The following RERE variants were observed in gnomAD, a reference collection of about 807,000 sequenced individuals.
RERE encodes the protein arginine-glutamic acid dipeptide repeats protein.
A neutral mutation model predicts 146.1 loss-of-function variants in RERE; 40 were observed. The ratio of observed to expected loss-of-function variants is 0.27; its 90% CI spans 0.21 to 0.36. The LOEUF is 0.36. RERE is among the 10% of genes least tolerant of loss of function. The probability of loss-of-function intolerance (pLI) is 1.00; values close to 1 mark genes in which losing one functional copy is unlikely to be tolerated. For missense variants in RERE, 1,933 were observed against 2,138.7 expected (o/e 0.90, Z 1.90); for synonymous variants, 1,003 against 866.0 (o/e 1.16, Z -2.78).
chr1:8,520,474 G>C (rs1278836483), intron 7 of RERE, among the ~76,000 whole-genome samples: 1 of 152,094 alleles, frequency 6.6e-6, no homozygotes, highest in Admixed American at 6.5e-5. Context: ...AATAATGTAT[G>C]AGTAATGTCA....
At chr1:8,742,558 C>T (rs1428542879) in intron 1 of RERE, among the ~76,000 whole-genome samples, 2 of 152,192 alleles carry the variant, frequency 1.3e-5, no homozygotes, top group Admixed American at 6.5e-5. Context: ...TGCTGGCTCA[C>T]ACCTGCGATC....
chr1:8,454,486 T>C (rs1644426790), intron 11 of RERE, among the ~76,000 whole-genome samples: 1 of 151,982 alleles, frequency 6.6e-6, no homozygotes, highest in African/African-American at 2.4e-5. Flanking sequence ...CTTCTCCTTT[T>C]CCTATAATTT....
intron 1 of RERE, among the ~76,000 whole-genome samples, chr1:8,687,702 T>C (rs1326806150): frequency 6.6e-6 from 1 of 152,256 alleles, no homozygotes. Context: ...ATATTCATAA[T>C]TGCTTCGTCA....
chr1:8,619,419 GC>G (rs1336400936), intron 3 of RERE, among the ~76,000 whole-genome samples: 1 of 152,148 alleles, frequency 6.6e-6, no homozygotes, highest in East Asian at 1.9e-4. Flanking sequence ...AGTACTTATA[GC>G]TACATATACT....
chr1:8,759,641 T>A (rs1426633394), intron 1 of RERE, among the ~76,000 whole-genome samples: 1 of 152,144 alleles, frequency 6.6e-6, no homozygotes, highest in Non-Finnish European at 1.5e-5. Flanking sequence ...GCCATTCCCA[T>A]CCCAATAACT....
At chr1:8,604,674 A>AAGTCAGTC (rs1301588785) in intron 4 of RERE, among the ~76,000 whole-genome samples, 1 of 149,914 alleles carries the variant, frequency 6.7e-6, no homozygotes, top group African/African-American at 2.5e-5. Context: ...GGAAGGAAGG[A>AAGTCAGTC]AGTCCACATA....
intron 1 of RERE, among the ~76,000 whole-genome samples, chr1:8,734,966 ATTAT>A (rs1281192292): frequency 2.0e-5 from 3 of 152,122 alleles, no homozygotes; most frequent in South Asian, 2.1e-4. Context: ...GAATATTTAA[ATTAT>A]TTATTATTTG....
chr1:8,401,431 G>A (rs556098606), intron 12 of RERE, among the ~76,000 whole-genome samples: 3 of 151,656 alleles, frequency 2.0e-5, no homozygotes, highest in Non-Finnish European at 4.4e-5. Flanking sequence ...AACAGAGTGA[G>A]AACCTGTCAC....
intron 2 of RERE, among the ~76,000 whole-genome samples, chr1:8,632,150 G>A (rs988891876): frequency 1.3e-5 from 2 of 152,186 alleles, no homozygotes; most frequent in Non-Finnish European, 2.9e-5. Context: ...GTACATTCAA[G>A]AAATCAATGC....
chr1:8,413,094 G>A (rs1014214749), intron 12 of RERE, among the ~76,000 whole-genome samples: 4 of 152,018 alleles, frequency 2.6e-5, no homozygotes, highest in Admixed American at 1.3e-4. Flanking sequence ...AATGTATTTC[G>A]AACCTATTAT....
chr1:8,654,897 A>G (rs922417469), intron 2 of RERE, among the ~76,000 whole-genome samples: 1 of 152,034 alleles, frequency 6.6e-6, no homozygotes, highest in African/African-American at 2.4e-5. Flanking sequence ...TCCGCCTCCC[A>G]AAGTGCTGGG....
chr1:8,790,057 C>T (rs1569803822), intron 1 of RERE, among the ~76,000 whole-genome samples: 1 of 152,184 alleles, frequency 6.6e-6, no homozygotes, highest in African/African-American at 2.4e-5. Context: ...TTGTATCCCA[C>T]TAACAGCAAC....
At chr1:8,746,443 A>T (rs1640422568) in intron 1 of RERE, among the ~76,000 whole-genome samples, 1 of 152,148 alleles carries the variant, frequency 6.6e-6, no homozygotes, top group Non-Finnish European at 1.5e-5. Flanking sequence ...CCCTCCCCAT[A>T]ACTTCTGCTA....
At chr1:8,517,699 T>A (rs1161088361) in intron 7 of RERE, among the ~76,000 whole-genome samples, 3 of 152,190 alleles carry the variant, frequency 2.0e-5, no homozygotes, top group Admixed American at 6.5e-5. Flanking sequence ...TCATTGTATA[T>A]GAAATCTGAT....
chr1:8,620,204 G>C (rs1646900906), intron 3 of RERE, among the ~76,000 whole-genome samples: 2 of 152,316 alleles, frequency 1.3e-5, no homozygotes, highest in East Asian at 3.9e-4. Flanking sequence ...AATTCATGAA[G>C]AGCCACTCAA....
At chr1:8,532,268 T>C (rs1409257968) in intron 7 of RERE, among the ~76,000 whole-genome samples, 1 of 152,232 alleles carries the variant, frequency 6.6e-6, no homozygotes, top group Non-Finnish European at 1.5e-5. Flanking sequence ...CTATAAATTT[T>C]ATTTTTTTAA....
chr1:8,729,453 G>C (rs1472257053), intron 1 of RERE, among the ~76,000 whole-genome samples: 1 of 151,726 alleles, frequency 6.6e-6, no homozygotes, highest in East Asian at 2.0e-4. Flanking sequence ...TCGAACTCTT[G>C]ACCTTGTGAT....
At chr1:8,621,543 A>C (rs1225612650) in intron 3 of RERE, among the ~76,000 whole-genome samples, 1 of 152,198 alleles carries the variant, frequency 6.6e-6, no homozygotes, top group Non-Finnish European at 1.5e-5. Context: ...TATACACAAA[A>C]TTTCACCACG....
chr1:8,519,743 A>G (rs1645466800), intron 7 of RERE: 1 of 152,108 alleles, frequency 6.6e-6, no homozygotes, highest in South Asian at 2.1e-4. Context: ...TCAGGATTTT[A>G]TATTTATTTT....
Sources: gnomAD v4.1 joint callset for allele counts (sites outside exome capture counted in the v4.1 genomes callset) on GRCh38, gnomAD v4.1.1 for gene constraint, MANE v1.5 for transcripts, NCBI Gene and HGNC (gene_info 2026-07-23, HGNC 2026-07-21) for gene names.